PJA2: variants seen among roughly 807,000 people sequenced by gnomAD.
The protein encoded by PJA2 is E3 ubiquitin-protein ligase Praja-2.
In PJA2, 25 loss-of-function variants were observed where a neutral mutation model predicts 69.3. The observed-to-expected ratio is 0.36, with a 90% confidence interval of 0.26 to 0.50. The LOEUF (loss-of-function observed/expected upper bound fraction) is 0.50, where lower values mean the gene tolerates loss of function less well. PJA2 is among the 20% of genes least tolerant of loss of function. The pLI, the probability that PJA2 is intolerant of heterozygous loss-of-function variation, is 0.96. For missense variants in PJA2, 809 were observed against 830.2 expected (o/e 0.97, Z 0.31); for synonymous variants, 308 against 277.8 (o/e 1.11, Z -1.08).
chr5:109,371,860 C>G (rs148632000), intron 4 of PJA2, among the ~76,000 whole-genome samples: 40 of 152,296 alleles, frequency 2.6e-4, no homozygotes, highest in African/African-American at 8.2e-4. Context: ...AAACCCACCA[C>G]TTATTAGCTA....
chr5:109,356,444 A>G (rs1486693265), intron 6 of PJA2, among the ~76,000 whole-genome samples: 1 of 152,158 alleles, frequency 6.6e-6, no homozygotes, highest in Non-Finnish European at 1.5e-5. Flanking sequence ...ACCATTTTAG[A>G]TGTTGAATTT....
chr5:109,404,485 C>T (rs912506996), intron 1 of PJA2, among the ~76,000 whole-genome samples: 1 of 151,830 alleles, frequency 6.6e-6, no homozygotes, highest in Non-Finnish European at 1.5e-5. Context: ...CACTGCACTC[C>T]AGCCTAGCCG....
At chr5:109,385,770 T>G (rs141134030) in intron 1 of PJA2, among the ~76,000 whole-genome samples, 44 of 152,280 alleles carry the variant, frequency 2.9e-4, no homozygotes, top group African/African-American at 1.0e-3. Flanking sequence ...TTTTCCAAAA[T>G]GCTTGGAACC....
rs1348153439 is a variant in PJA2, at chr5:109,354,547, TATATC to T, written c.1764+1363_1764+1367del. Among the ~76,000 whole-genome samples the T allele has an allele frequency of 2.2e-5, 3 of 137,412 alleles. 1 individual carries two copies. The highest frequency in any genetic ancestry group is 8.4e-5 in the African/African-American group (3 of 35,776). The allele number at this position is 137,412 out of a possible 152,430, so 90.1% of individuals were successfully genotyped here. ...GATATCTATAATATCTATAGATATC[TATATC>T]GATATTAGATATCTATAATATCTAT... On this transcript the variant is annotated intron_variant, in intron 7 of 9. Coordinates refer to ENST00000361189, the MANE Select transcript of PJA2 (RefSeq NM_014819.5).
In PJA2 at chr5:109,335,075, T is replaced by C. The variant is rs891556825; in HGVS notation, c.*2156A>G. On this transcript the variant is annotated 3_prime_UTR_variant, in exon 10 of 10. Transcript: ENST00000361189. The stretch of plus-strand genomic sequence containing the variant: ...TATTCATACTTATTTCTAATTTACC[T>C]TCATATAGTCTTAACTTTTTCAAAA... 2 of 152,612 alleles carry C rather than the reference T, an allele frequency of 1.3e-5. No individual in the cohort carries two copies. The highest frequency in any genetic ancestry group is 2.9e-5 in the Non-Finnish European group (2 of 68,024). The allele number at this position is 152,612 out of a possible 1,614,324, so 9.5% of individuals were successfully genotyped here. A position where few individuals can be genotyped will look rare whatever the true frequency, so the allele number is the denominator to read the frequency against.
At chr5:109,342,084 G>T (rs1358825658) in intron 9 of PJA2, among the ~76,000 whole-genome samples, 159 of 127,538 alleles carry the variant, frequency 1.2e-3, no homozygotes, top group African/African-American at 4.2e-3. Context: ...CAGCCGCCCC[G>T]TCCGGGAGGG....
intron 9 of PJA2, among the ~76,000 whole-genome samples, chr5:109,337,832 C>T (rs1210334897): frequency 6.6e-6 from 1 of 151,960 alleles, no homozygotes; most frequent in Non-Finnish European, 1.5e-5. Flanking sequence ...AGAAGGTCTA[C>T]GATGAATTAA....
intron 4 of PJA2, among the ~76,000 whole-genome samples, chr5:109,371,974 A>G (rs1406467424): frequency 3.3e-5 from 5 of 152,228 alleles, no homozygotes; most frequent in African/African-American, 9.6e-5. Context: ...GTTAATATAT[A>G]TAAAACATTT....
At chr5:109,349,488 ACT>A (rs1471598302) in intron 7 of PJA2, among the ~76,000 whole-genome samples, 2 of 152,146 alleles carry the variant, frequency 1.3e-5, no homozygotes, top group African/African-American at 4.8e-5. Context: ...CCTGTAATGC[ACT>A]TAGTAGGTGG....
In PJA2 at chr5:109,344,309, T is replaced by A. The variant is rs766940018; in HGVS notation, c.1882A>T (p.Ile628Phe). 4 of 1,584,892 alleles carry A rather than the reference T, an allele frequency of 2.5e-6. No individual in the cohort carries two copies. Among genetic ancestry groups the A allele is most frequent in the Non-Finnish European group, 3.4e-6 (4 of 1,170,396 alleles). ...ATTGGACAGCATTGTTCCTGACCAA[T>A]AGCTGAAAACAACAAATAATTCAGG... ...ETLVLEDHTA[I>F]GQEQCCPICC... The change falls in exon 9 of 10, where the codon ATT becomes TTT. Residue 628 changes from isoleucine (I) to phenylalanine (F), a missense_variant and splice_region_variant. Ile to Phe is a conservative substitution (Grantham distance 21, BLOSUM62 0). Transcript: ENST00000361189.
chr5:109,341,360 T>G (rs1415697703), intron 9 of PJA2, among the ~76,000 whole-genome samples: 6 of 147,740 alleles, frequency 4.1e-5, no homozygotes, highest in African/African-American at 1.3e-4. Context: ...GGAGCATCTC[T>G]GCCCGGCCGC....
At chr5:109,341,378 G>A (rs1762053722) in intron 9 of PJA2, among the ~76,000 whole-genome samples, 1 of 148,396 alleles carries the variant, frequency 6.7e-6, no homozygotes, top group Admixed American at 6.6e-5. Context: ...CGCCCCGTCT[G>A]AGAAGTGAGG....
chr5:109,396,048 G>A (rs553032707), intron 1 of PJA2, among the ~76,000 whole-genome samples: 1 of 151,166 alleles, frequency 6.6e-6, no homozygotes, highest in African/African-American at 2.4e-5. Flanking sequence ...AAGCAGACAG[G>A]TTACAAAAAT....
At chr5:109,340,149 TTTG>T (rs1466131306) in intron 9 of PJA2, among the ~76,000 whole-genome samples, 2 of 152,218 alleles carry the variant, frequency 1.3e-5, no homozygotes, top group Non-Finnish European at 2.9e-5. Flanking sequence ...TATTTGTGAT[TTTG>T]TTGTTAATAA....
chr5:109,403,116 G>A (rs1227376866), intron 1 of PJA2, among the ~76,000 whole-genome samples: 2 of 151,494 alleles, frequency 1.3e-5, no homozygotes, highest in Non-Finnish European at 2.9e-5. Context: ...AATAAACCTA[G>A]AACCAAATAA....
At chr5:109,402,034 T>C (rs1405326694) in intron 1 of PJA2, among the ~76,000 whole-genome samples, 2 of 152,308 alleles carry the variant, frequency 1.3e-5, no homozygotes, top group East Asian at 3.9e-4. Flanking sequence ...TGGTATAGTA[T>C]TGCTTCCATA....
At chr5:109,356,965 A>G (rs1404927739) in intron 6 of PJA2, among the ~76,000 whole-genome samples, 1 of 152,128 alleles carries the variant, frequency 6.6e-6, no homozygotes, top group Non-Finnish European at 1.5e-5. Context: ...TCTTGGAAAT[A>G]CTATGTATTT....
chr5:109,384,957 T>C (rs764594835), intron 1 of PJA2, among the ~76,000 whole-genome samples: 3 of 152,108 alleles, frequency 2.0e-5, no homozygotes, highest in East Asian at 1.9e-4. Flanking sequence ...GCTGGGACTG[T>C]AGGCGTGTGC....
At chr5:109,357,480 ATAT>A (rs991491580) in intron 6 of PJA2, among the ~76,000 whole-genome samples, 1 of 152,208 alleles carries the variant, frequency 6.6e-6, no homozygotes, top group African/African-American at 2.4e-5. Context: ...TTTGGAATTA[ATAT>A]TAAGAATTAC....
Sources: allele counts gnomAD v4.1 joint callset (sites outside exome capture counted in the v4.1 genomes callset), GRCh38; gene constraint gnomAD v4.1.1; transcripts MANE v1.5; gene names NCBI Gene and HGNC (gene_info 2026-07-23, HGNC 2026-07-21).